RGS3: variants seen among roughly 807,000 people sequenced by gnomAD.
RGS3 encodes regulator of G-protein signalling 3.
In RGS3, 80 loss-of-function variants were observed where a neutral mutation model predicts 132.6. That is an observed-to-expected ratio of 0.60 (90% CI 0.50 to 0.73). RGS3 has a LOEUF of 0.73. Among genes scored for constraint, RGS3 ranks in the 30% least tolerant of loss-of-function variants. RGS3 has a pLI of 0.00. For missense variants in RGS3, 1,382 were observed against 1,530.8 expected, an observed-to-expected ratio of 0.90 and a Z score of 1.62; for synonymous variants, 598 against 620.6, an observed-to-expected ratio of 0.96 and a Z score of 0.54.
chr9:113,451,803 A>T lies in RGS3; in HGVS notation c.-13+6876A>T, dbSNP rs189470782. On this transcript the variant is annotated intron_variant, in intron 1 of 25. Coordinates refer to the RGS3 transcript ENST00000374140. The stretch of plus-strand genomic sequence containing the variant: ...GGTTAGCATTTCCAGTGTTCTCTTT[A>T]TTCCTTTGTGTAGATCCAGACTTCC... Among the ~76,000 whole-genome samples, 5 of 151,594 alleles carry T rather than the reference A, an allele frequency of 3.3e-5. No individual in the cohort carries two copies. In the East Asian group the frequency reaches 9.7e-4, roughly 29 times the overall value.
At chr9:113,524,075 C>T (rs767081737) in intron 17 of RGS3, among the ~76,000 whole-genome samples, 14 of 152,310 alleles carry the variant, frequency 9.2e-5, no homozygotes, top group Middle Eastern at 3.4e-3. Context: ...GACCACAGGG[C>T]GGTGGGAAGA....
intron 19 of RGS3, among the ~76,000 whole-genome samples, chr9:113,561,603 G>C (rs954782047): frequency 2.9e-4 from 22 of 75,648 alleles, no homozygotes; most frequent in Non-Finnish European, 6.0e-4. Context: ...TTTTTTTTTT[G>C]TAGAGATGGA....
rs1437958429 is a variant in RGS3, at chr9:113,490,700, A to T, written c.689+5007A>T. Among the ~76,000 whole-genome samples the T allele has an allele frequency of 8.4e-5, 12 of 143,124 alleles. No individual in the cohort carries two copies. In the East Asian group the frequency reaches 1.0e-3, roughly 12 times the overall value. The allele number at this position is 143,124 out of a possible 152,430, so 93.9% of individuals were successfully genotyped here. A position where few individuals can be genotyped will look rare whatever the true frequency, so the allele number is the denominator to read the frequency against. On this transcript the variant is annotated intron_variant, in intron 7 of 24. Coordinates refer to ENST00000350696, the Ensembl canonical transcript of RGS3. ...TATATAAAATATAATATATTATATT[A>T]TATTTTATATTGGTATATATAATTA...
At chr9:113,545,163 G>T (rs1166038659) in intron 19 of RGS3, among the ~76,000 whole-genome samples, 1 of 152,202 alleles carries the variant, frequency 6.6e-6, no homozygotes, top group Non-Finnish European at 1.5e-5. Context: ...GCATCAAAAG[G>T]ATCAGCAGAC....
At chr9:113,465,428 C>T (rs1829598701) in intron 3 of RGS3, among the ~76,000 whole-genome samples, 1 of 143,698 alleles carries the variant, frequency 7.0e-6, no homozygotes, top group African/African-American at 2.6e-5. Context: ...GGCTTATTTC[C>T]ACACCTATTT....
At chr9:113,546,075 A>G (rs1833100594) in intron 19 of RGS3, among the ~76,000 whole-genome samples, 1 of 152,352 alleles carries the variant, frequency 6.6e-6, no homozygotes, top group Non-Finnish European at 1.5e-5. Context: ...CACTGTCTTC[A>G]GAGTAAAGCT....
chr9:113,508,502 TC>T (rs759592771), intron 13 of RGS3, 38 bp from the exon 12 acceptor site: 21 of 1,611,546 alleles, frequency 1.3e-5, no homozygotes, highest in Non-Finnish European at 1.8e-5. Flanking sequence ...CCTGCCCTGT[TC>T]CTGGGGCTGA....
rs549514899 is a variant in RGS3 at position 113,537,552 on chromosome 9, G to A, written c.2037+634G>A. Among the ~76,000 whole-genome samples, 4 of 152,306 alleles carry A rather than the reference G, an allele frequency of 2.6e-5. No individual in the cohort carries two copies. Among genetic ancestry groups the A allele is most frequent in the East Asian group, 1.9e-4 (1 of 5,190 alleles). On this transcript the variant is annotated intron_variant, in intron 19 of 24. Transcript: ENST00000350696. This position sits in a 1 kb window ranked among gnomAD's most constrained non-coding sequence, Gnocchi z 4.3. ...ACACAGCCTTCCCCTTTGACACTCCGATGCCAGCCACAAAGTACAGTTATA... is the reference window on the plus strand; with the variant it reads ...ACACAGCCTTCCCCTTTGACACTCCAATGCCAGCCACAAAGTACAGTTATA...
intron 19 of RGS3, among the ~76,000 whole-genome samples, chr9:113,539,817 T>A (rs747411521): frequency 3.3e-5 from 5 of 152,202 alleles, no homozygotes; most frequent in Non-Finnish European, 7.3e-5. Flanking sequence ...CAATTTACCT[T>A]GAAGATGAAA....
chr9:113,536,264 G>A (rs1432933782), intron 18 of RGS3, among the ~76,000 whole-genome samples: 2 of 152,214 alleles, frequency 1.3e-5, no homozygotes, highest in African/African-American at 4.8e-5. Context: ...GCCCGTCAAA[G>A]ACTTTCCAAA....
At chr9:113,472,366 C>A (rs116923551) in intron 3 of RGS3, among the ~76,000 whole-genome samples, 1 of 152,284 alleles carries the variant, frequency 6.6e-6, no homozygotes, top group East Asian at 1.9e-4. Context: ...GTCGAAATAA[C>A]CTGAAATATC....
At chr9:113,446,232 G>A (rs1329701498) in intron 1 of RGS3, among the ~76,000 whole-genome samples, 5 of 151,998 alleles carry the variant, frequency 3.3e-5, no homozygotes, top group Non-Finnish European at 5.9e-5. Flanking sequence ...AAGGTACCAG[G>A]GTATGAAATT....
intron 3 of RGS3, among the ~76,000 whole-genome samples, chr9:113,470,149 G>T (rs2119183595): frequency 7.0e-6 from 1 of 142,360 alleles, no homozygotes; most frequent in South Asian, 2.4e-4. Context: ...GACCTCAGGT[G>T]ATCCACCTGC....
At chr9:113,514,382 T>C in intron 14 of RGS3, 76 bp from the exon 13 acceptor site, 1 of 1,313,682 alleles carries the variant, frequency 7.6e-7, no homozygotes, top group Non-Finnish European at 1.1e-6. Context: ...TGAGTCCGTG[T>C]CCCCTGTTTC....
At chr9:113,540,818 A>G (rs1832872632) in intron 19 of RGS3, among the ~76,000 whole-genome samples, 1 of 152,244 alleles carries the variant, frequency 6.6e-6, no homozygotes, top group African/African-American at 2.4e-5. Context: ...CAGGTGAGCC[A>G]GTTAGCCTCT....
intron 4 of RGS3, among the ~76,000 whole-genome samples, chr9:113,480,458 CAA>C (rs755925249): frequency 1.7e-4 from 11 of 65,898 alleles, no homozygotes; most frequent in Admixed American, 3.4e-4. Context: ...GACTCCGTCT[CAA>C]AAAAAAAAAA....
At chr9:113,526,002 G>A (rs1399168873) in intron 17 of RGS3, among the ~76,000 whole-genome samples, 1 of 152,220 alleles carries the variant, frequency 6.6e-6, no homozygotes, top group East Asian at 1.9e-4. Context: ...AGTGTAATGG[G>A]AACAGGCGGA....
chr9:113,481,775 A>G (rs1482968920), intron 4 of RGS3, among the ~76,000 whole-genome samples: 3 of 152,210 alleles, frequency 2.0e-5, no homozygotes, highest in Admixed American at 6.5e-5. Context: ...GGCTGGGTGC[A>G]TTGGCTCACG....
chr9:113,494,446 T>C (rs752620877), intron 7 of RGS3, among the ~76,000 whole-genome samples: 1 of 152,222 alleles, frequency 6.6e-6, no homozygotes, highest in African/African-American at 2.4e-5. Context: ...TTAACTGATG[T>C]TATCATTATT....
Sources: gnomAD v4.1 joint callset for allele counts (sites outside exome capture counted in the v4.1 genomes callset) on GRCh38, gnomAD v4.1.1 for gene constraint, Gnocchi (gnomAD v3.1) non-coding constraint, MANE v1.5 for transcripts, NCBI Gene and HGNC (gene_info 2026-07-23, HGNC 2026-07-21) for gene names.